Variants in DDX46 observed in about 807,000 individuals in gnomAD.
The protein encoded by DDX46 is probable ATP-dependent RNA helicase DDX46.
A neutral mutation model predicts 134.9 loss-of-function variants in DDX46; 30 were observed. The observed-to-expected ratio is 0.22, with a 90% confidence interval of 0.17 to 0.30. DDX46 has a LOEUF of 0.30. Ranked by LOEUF, DDX46 falls within the 10% of genes least tolerant of loss-of-function variation. The pLI is 1.00. For synonymous variants in DDX46, 415 were observed against 404.1 expected, an observed-to-expected ratio of 1.03 and a Z score of -0.32; for missense variants, 622 against 1,248.7, an observed-to-expected ratio of 0.50 and a Z score of 7.56.
chr5:134,763,876 G>A (rs1446904172), intron 1 of DDX46, 28 bp from the exon 2 acceptor site: 1 of 1,588,610 alleles, frequency 6.3e-7, no homozygotes, highest in Non-Finnish European at 8.6e-7. Flanking sequence ...GGTGTTTGCT[G>A]AACTTAATCT....
intron 1 of DDX46, among the ~76,000 whole-genome samples, chr5:134,761,310 C>G (rs1753378367): frequency 6.6e-6 from 1 of 152,236 alleles, no homozygotes; most frequent in African/African-American, 2.4e-5. Flanking sequence ...CAGGCATGAG[C>G]CGCTGTGCCC....
intron 1 of DDX46, among the ~76,000 whole-genome samples, chr5:134,763,521 C>T (rs1294443875): frequency 6.6e-6 from 1 of 152,188 alleles, no homozygotes; most frequent in African/African-American, 2.4e-5. Context: ...TGTATATCTA[C>T]ATGGCTCCTT....
In DDX46 at chr5:134,800,746, G is replaced by A. The variant is rs1454540083; in HGVS notation, c.1954+4596G>A. On this transcript the variant is annotated intron_variant, in intron 15 of 22. Coordinates refer to ENST00000452510, the MANE Select transcript of DDX46 (RefSeq NM_001300860.2). ...GCTGTAGTGCAATGATGCCATCTCGGCTCACTGCAACCTCCGCCTCCCGGG... is the reference window on the plus strand; with the variant it reads ...GCTGTAGTGCAATGATGCCATCTCGACTCACTGCAACCTCCGCCTCCCGGG... Among the ~76,000 whole-genome samples, 5 of 152,232 alleles carry A rather than the reference G, an allele frequency of 3.3e-5. No homozygotes were observed. In the East Asian group the frequency reaches 7.7e-4, roughly 24 times the overall value.
At chr5:134,779,248 C>G (rs1334049133) in intron 6 of DDX46, among the ~76,000 whole-genome samples, 1 of 151,894 alleles carries the variant, frequency 6.6e-6, no homozygotes, top group African/African-American at 2.4e-5. Context: ...GGCTGGAGTT[C>G]AGTGGCACTA....
At chr5:134,779,834 C>T (rs1194616746) in intron 6 of DDX46, among the ~76,000 whole-genome samples, 2 of 152,236 alleles carry the variant, frequency 1.3e-5, no homozygotes, top group Non-Finnish European at 2.9e-5. Context: ...CGTGGTGGCT[C>T]ATGCCTGTAA....
rs1754408217 is a variant in DDX46, at chr5:134,788,475, A to G, written c.1465-38A>G. The G allele has an allele frequency of 3.3e-6, 5 of 1,535,206 alleles. No individual in the cohort carries two copies. The South Asian group carries it at 4.5e-5, about 14-fold the overall frequency. On this transcript the variant is annotated intron_variant, in intron 11 of 22. Coordinates refer to ENST00000452510, the MANE Select transcript of DDX46 (RefSeq NM_001300860.2). ...AGTATTTTTTAGTGTTTAAGTAAGCATTAGTAATAGACTATAAAGTTTCAT... is the reference window on the plus strand; with the variant it reads ...AGTATTTTTTAGTGTTTAAGTAAGCGTTAGTAATAGACTATAAAGTTTCAT...
At chr5:134,763,292 T>C (rs1437304556) in intron 1 of DDX46, among the ~76,000 whole-genome samples, 1 of 152,202 alleles carries the variant, frequency 6.6e-6, no homozygotes. Flanking sequence ...AGTCTTCCAG[T>C]AGATTTTCAT....
Position 134,830,169 on chromosome 5 carries a change from G to GAAAAAAAAA in DDX46, c.*1470_*1478dup, listed in dbSNP as rs57416807. On this transcript the variant is annotated 3_prime_UTR_variant, in exon 23 of 23. Transcript: ENST00000452510. ...TTAAACCAACCACAGATCAAAAATA[G>GAAAAAAAAA]AAAAAAAAAAAAAAAGAAAAAAAGA... 3.5e-4 allele frequency: 19 copies of GAAAAAAAAA among 55,060 alleles called. No individual in the cohort carries two copies. Among genetic ancestry groups the GAAAAAAAAA allele is most frequent in the African/African-American group, 8.0e-4 (15 of 18,694 alleles). The allele number at this position is 55,060 out of a possible 1,614,324, so 3.4% of individuals were successfully genotyped here. A position where few individuals can be genotyped will look rare whatever the true frequency, so the allele number is the denominator to read the frequency against.
chr5:134,759,197 A>G (rs1753300082), intron 1 of DDX46, among the ~76,000 whole-genome samples: 2 of 152,248 alleles, frequency 1.3e-5, no homozygotes, highest in African/African-American at 4.8e-5. Flanking sequence ...ACAACCCTCC[A>G]GGACGTTAGT....
intron 5 of DDX46, among the ~76,000 whole-genome samples, chr5:134,776,805 C>T (rs149243968): frequency 2.4e-3 from 368 of 151,090 alleles, no homozygotes; most frequent in African/African-American, 8.5e-3. Context: ...CCCAGCTACT[C>T]AGGAGGCTGA....
At chr5:134,773,471 C>G (rs767776861) in intron 4 of DDX46, among the ~76,000 whole-genome samples, 10 of 151,954 alleles carry the variant, frequency 6.6e-5, no homozygotes, top group Admixed American at 1.3e-4. Flanking sequence ...TTTTGGCTTT[C>G]TTATTTGAAG....
chr5:134,805,998 A>G (rs1341588420), intron 15 of DDX46, among the ~76,000 whole-genome samples: 2 of 151,664 alleles, frequency 1.3e-5, no homozygotes, highest in African/African-American at 4.8e-5. Context: ...GGATCACCCA[A>G]GGTCAGGAGT....
chr5:134,824,331 G>C (rs1375990153), intron 21 of DDX46, among the ~76,000 whole-genome samples: 3 of 152,178 alleles, frequency 2.0e-5, no homozygotes, highest in Admixed American at 2.0e-4. Flanking sequence ...GGTGGCTCAC[G>C]CCTGTAATCC....
intron 21 of DDX46, among the ~76,000 whole-genome samples, chr5:134,822,275 A>C (rs572860326): frequency 1.3e-5 from 2 of 152,288 alleles, no homozygotes; most frequent in Non-Finnish European, 2.9e-5. Flanking sequence ...AATACTATAC[A>C]AAAATTTTGC....
chr5:134,823,555 C>CTT lies in DDX46; in HGVS notation c.2978-3387_2978-3386dup, dbSNP rs1234198578. On this transcript the variant is annotated intron_variant, in intron 21 of 22. Coordinates refer to ENST00000452510, the MANE Select transcript of DDX46 (RefSeq NM_001300860.2). The stretch of plus-strand genomic sequence containing the variant: ...TGTGGCCAGAACTAGGCAAACTACA[C>CTT]TTTTTTCTTCATGTTTGTGACTATG... 2.0e-5 allele frequency among the ~76,000 whole-genome samples: 3 copies of CTT among 152,252 alleles called. No individual in the cohort carries two copies. The East Asian group carries it at 5.8e-4, about 29-fold the overall frequency.
intron 6 of DDX46, among the ~76,000 whole-genome samples, chr5:134,780,098 A>ATGTGTGTGTGTGTG (rs71583216): frequency 1.2e-3 from 170 of 139,570 alleles, no homozygotes; most frequent in African/African-American, 3.4e-3. Flanking sequence ...AAAAAAATAT[A>ATGTGTGTGTGTGTG]TGTGTGTGTG....
At chr5:134,788,444 A>T in intron 11 of DDX46, 69 bp from the exon 12 acceptor site, 2 of 1,317,404 alleles carry the variant, frequency 1.5e-6, no homozygotes, top group African/African-American at 1.5e-5. Flanking sequence ...GGCAAGAACT[A>T]AATGCAGTAT....
chr5:134,760,853 C>T (rs1344135461), intron 1 of DDX46, among the ~76,000 whole-genome samples: 1 of 152,116 alleles, frequency 6.6e-6, no homozygotes, highest in African/African-American at 2.4e-5. Context: ...CCTCAGCCTC[C>T]CGAGTAGCTG....
Position 134,804,412 on chromosome 5 carries a change from T to A in DDX46, c.1955-3336T>A, listed in dbSNP as rs966792874. 3.3e-5 allele frequency among the ~76,000 whole-genome samples: 5 copies of A among 152,178 alleles called. No individual in the cohort carries two copies. The South Asian group carries it at 8.3e-4, about 25-fold the overall frequency. On this transcript the variant is annotated intron_variant, in intron 15 of 22. Transcript: ENST00000452510. Reference sequence around the variant, plus strand: ...CCATTAAGCGAGACCTGAAAAAGATTGGCAAAAATGTAAATCAGTGCCATT... The same window carrying A: ...CCATTAAGCGAGACCTGAAAAAGATAGGCAAAAATGTAAATCAGTGCCATT...
Sources: allele counts gnomAD v4.1 joint callset (sites outside exome capture counted in the v4.1 genomes callset), GRCh38; gene constraint gnomAD v4.1.1; transcripts MANE v1.5; gene names NCBI Gene and HGNC (gene_info 2026-07-23, HGNC 2026-07-21).